Variants in FBXO17 observed in about 807,000 individuals in gnomAD.
The protein encoded by FBXO17 is F-box protein 17, also known as F-box only protein 17.
FBXO17 carries 43 observed loss-of-function variants against 34.1 expected under a neutral mutation model. The ratio of observed to expected loss-of-function variants is 1.26; its 90% CI spans 0.99 to 1.62. The LOEUF is 1.62. Ranked by LOEUF, FBXO17 falls within the 40% of genes most tolerant of loss-of-function variation. FBXO17 has a pLI of 0.00. For synonymous variants in FBXO17, 169 were observed against 166.0 expected (o/e 1.02, Z -0.14); for missense variants, 424 against 386.7 (o/e 1.10, Z -0.81).
intron 1 of FBXO17, among the ~76,000 whole-genome samples, chr19:38,967,277 G>A (rs1486571743): frequency 1.3e-5 from 2 of 152,022 alleles, no homozygotes; most frequent in African/African-American, 4.8e-5. Flanking sequence ...GGCCAACATG[G>A]TGAAACCCTG....
Position 38,950,345 on chromosome 19 carries a change from C to A in FBXO17, c.-17-9G>T. 2 of 1,403,102 alleles carry A rather than the reference C, an allele frequency of 1.4e-6. No homozygotes were observed. The highest frequency in any genetic ancestry group is 1.8e-6 in the Non-Finnish European group (2 of 1,087,068). The allele number at this position is 1,403,102 out of a possible 1,614,324, so 86.9% of individuals were successfully genotyped here. ...CTCCAGTAGCCAGAGTCCTGCAGGTCGAGAGGGGTCGGTAGGCGGGTCAGC... is the reference window on the plus strand; with the variant it reads ...CTCCAGTAGCCAGAGTCCTGCAGGTAGAGAGGGGTCGGTAGGCGGGTCAGC... On this transcript the variant is annotated splice_polypyrimidine_tract_variant and intron_variant, in intron 1 of 5. Coordinates refer to ENST00000292852, the MANE Select transcript of FBXO17 (RefSeq NM_024907.7).
intron 1 of FBXO17, among the ~76,000 whole-genome samples, chr19:38,968,973 A>G (rs1031848366): frequency 6.6e-6 from 1 of 152,168 alleles, no homozygotes; most frequent in African/African-American, 2.4e-5. Flanking sequence ...ATGGTTGCAC[A>G]ACTCTGTAAA....
chr19:38,953,850 CAGG>C (rs1258858010), intron 1 of FBXO17, among the ~76,000 whole-genome samples: 1 of 151,744 alleles, frequency 6.6e-6, no homozygotes, highest in Non-Finnish European at 1.5e-5. Context: ...ACAGTCACAG[CAGG>C]AGAACGGGTG....
At chr19:38,971,658 G>A (rs140921358) in intron 1 of FBXO17, among the ~76,000 whole-genome samples, 166 of 152,004 alleles carry the variant, frequency 1.1e-3, no homozygotes, top group African/African-American at 4.0e-3. Flanking sequence ...ATGGTGGTGT[G>A]CACTTGTGGT....
At chr19:38,956,538 GCTTAATAAGGGC>G (rs1423195361) in intron 1 of FBXO17, among the ~76,000 whole-genome samples, 1 of 152,118 alleles carries the variant, frequency 6.6e-6, no homozygotes, top group Non-Finnish European at 1.5e-5. Context: ...CAGCACCGTG[GCTTAATAAGGGC>G]CAATAAATGC....
At chr19:38,959,929 T>C (rs1049175585) in intron 1 of FBXO17, among the ~76,000 whole-genome samples, 12 of 151,788 alleles carry the variant, frequency 7.9e-5, no homozygotes, top group Non-Finnish European at 1.5e-4. Flanking sequence ...CCACCACCAC[T>C]ACCAAAACAG....
At chr19:38,942,775 G>A (rs1233972638) in intron 5 of FBXO17, 24 bp from the exon 6 acceptor site, 2 of 1,590,370 alleles carry the variant, frequency 1.3e-6, no homozygotes, top group Non-Finnish European at 1.7e-6. Context: ...GGGAGTGAGA[G>A]GGTGAGGGCC....
intron 1 of FBXO17, among the ~76,000 whole-genome samples, chr19:38,954,521 C>T (rs1975133648): frequency 6.6e-6 from 1 of 150,382 alleles, no homozygotes; most frequent in Non-Finnish European, 1.5e-5. Flanking sequence ...CCACCTGCCT[C>T]AGCCTCCCAA....
At chr19:38,963,973 A>C (rs1343325892) in intron 1 of FBXO17, among the ~76,000 whole-genome samples, 1 of 151,872 alleles carries the variant, frequency 6.6e-6, no homozygotes, top group African/African-American at 2.4e-5. Context: ...TAGTAGAGAC[A>C]GGGTTTCACC....
chr19:38,944,947 C>T (rs754875888), intron 5 of FBXO17, 22 bp downstream of exon 5: 9 of 1,613,158 alleles, frequency 5.6e-6, no homozygotes, highest in Non-Finnish European at 7.6e-6. Flanking sequence ...TCGGGGGGAG[C>T]TGGAAGCTAG....
chr19:38,946,301 C>T, intron 4 of FBXO17, 171 bp downstream of exon 4: 3 of 1,210,004 alleles, frequency 2.5e-6, no homozygotes, highest in Non-Finnish European at 3.4e-6. Context: ...CTGGCTTCTC[C>T]AAAGCTCTAC....
intron 5 of FBXO17, among the ~76,000 whole-genome samples, chr19:38,943,044 G>T: frequency 6.6e-6 from 1 of 152,112 alleles, no homozygotes; most frequent in Non-Finnish European, 1.5e-5. Context: ...ACACCTGAAG[G>T]AGGAGAGGGA....
intron 1 of FBXO17, among the ~76,000 whole-genome samples, chr19:38,956,230 C>T (rs993070667): frequency 1.3e-5 from 2 of 148,934 alleles, no homozygotes; most frequent in African/African-American, 5.0e-5. Flanking sequence ...CGTGCCTCTG[C>T]ACTCCAGCCT....
chr19:38,951,464 G>A (rs1365626733), intron 1 of FBXO17, among the ~76,000 whole-genome samples: 1 of 149,786 alleles, frequency 6.7e-6, no homozygotes, highest in Non-Finnish European at 1.5e-5. Context: ...GAGTCACTGC[G>A]CCTGGCCTGT....
chr19:38,955,681 A>T (rs1975157884), intron 1 of FBXO17, among the ~76,000 whole-genome samples: 1 of 151,484 alleles, frequency 6.6e-6, no homozygotes, highest in Admixed American at 6.6e-5. Context: ...ACAGGGTTTC[A>T]CCATGTTGCC....
chr19:38,963,273 TA>T (rs1975277005), intron 1 of FBXO17, among the ~76,000 whole-genome samples: 1 of 150,860 alleles, frequency 6.6e-6, no homozygotes, highest in African/African-American at 2.4e-5. Flanking sequence ...TCCTTCAGCA[TA>T]ATGTCCGTGT....
At position 38,942,692 on chromosome 19, in the gene FBXO17, G is replaced by A. The variant is rs563983887; in HGVS notation, c.753C>T (p.Tyr251=). The A allele has an allele frequency of 2.6e-5, 41 of 1,605,794 alleles. No individual in the cohort carries two copies. Among genetic ancestry groups the A allele is most frequent in the Admixed American group, 3.4e-5 (2 of 58,698 alleles). The part of the protein sequence containing the change: ...KGIRYVSFEQ[Y]GRDVSSWVGH... ...CCACCCAGGAACTCACGTCTCTCCC[G>A]TACTGCTCAAAAGATACGTAGCGGA... is the stretch of plus-strand genomic sequence containing the variant. The change falls in exon 6 of 6, where the codon TAC becomes TAT. Residue 251 remains tyrosine, a synonymous_variant. Transcript: ENST00000292852.
At chr19:38,950,981 G>A (rs1310269489) in intron 1 of FBXO17, among the ~76,000 whole-genome samples, 1 of 151,464 alleles carries the variant, frequency 6.6e-6, no homozygotes, top group African/African-American at 2.4e-5. Flanking sequence ...TAGTAGAGAC[G>A]GGGTTTCACC....
At chr19:38,946,416 C>A in intron 4 of FBXO17, 56 bp downstream of exon 4, 6 of 1,609,258 alleles carry the variant, frequency 3.7e-6, no homozygotes, top group Non-Finnish European at 5.1e-6. Context: ...GCCCCTGTTG[C>A]AGAGCCGCTG....
Sources: gnomAD v4.1 joint callset for allele counts (sites outside exome capture counted in the v4.1 genomes callset) on GRCh38, gnomAD v4.1.1 for gene constraint, MANE v1.5 for transcripts, NCBI Gene and HGNC (gene_info 2026-07-23, HGNC 2026-07-21) for gene names.